The following RANBP2 variants were observed in gnomAD, a reference collection of about 807,000 sequenced individuals.
RANBP2 encodes RAN binding protein 2, also known as E3 SUMO-protein ligase RanBP2.
In RANBP2, 57 loss-of-function variants were observed where a neutral mutation model predicts 303.6. The observed-to-expected ratio is 0.19, with a 90% CI of 0.15 to 0.23. RANBP2 has a LOEUF of 0.23. Ranked by LOEUF, RANBP2 falls within the 10% of genes least tolerant of loss-of-function variation. The probability of loss-of-function intolerance (pLI) is 1.00; values close to 1 mark genes in which losing one functional copy is unlikely to be tolerated. For synonymous variants in RANBP2, 1,167 were observed against 1,301.5 expected (o/e 0.90, Z 2.23); for missense variants, 3,138 against 3,780.8 (o/e 0.83, Z 4.46).
the RANBP2 span, chr2:108,798,409 G>C: frequency 6.3e-7 from 1 of 1,599,480 alleles, no homozygotes; most frequent in South Asian, 1.1e-5. Flanking sequence ...GAGCATTAAA[G>C]TCTGGCATTT....
the RANBP2 span, among the ~76,000 whole-genome samples, chr2:109,735,372 G>A: frequency 3.3e-5 from 5 of 152,062 alleles, no homozygotes; most frequent in African/African-American, 1.2e-4. Context: ...ATTCTACTGT[G>A]GTTATAGACC....
At chr2:108,827,628 A>G in the RANBP2 span, among the ~76,000 whole-genome samples, 1 of 152,076 alleles carries the variant, frequency 6.6e-6, no homozygotes, top group Non-Finnish European at 1.5e-5. Flanking sequence ...TATCCTGGCT[A>G]ACACAGTGAA....
the RANBP2 span, among the ~76,000 whole-genome samples, chr2:108,990,088 G>A: frequency 1.3e-5 from 2 of 152,162 alleles, no homozygotes; most frequent in Admixed American, 1.3e-4. Context: ...TTGAGGTCAG[G>A]AGTTTGGGAT....
chr2:108,819,653 T>C, the RANBP2 span, among the ~76,000 whole-genome samples: 11 of 152,202 alleles, frequency 7.2e-5, no homozygotes, highest in Non-Finnish European at 1.3e-4. Flanking sequence ...AGAATTTGGA[T>C]GGTCCCAAAA....
the RANBP2 span, among the ~76,000 whole-genome samples, chr2:109,149,710 T>C: frequency 1.3e-5 from 2 of 152,190 alleles, no homozygotes; most frequent in Admixed American, 1.3e-4. Flanking sequence ...GGCCTCGTGG[T>C]GCTTACGTTC....
At chr2:108,782,952 C>T (rs1678358351) in intron 28 of RANBP2, 90 bp downstream of exon 28, 2 of 1,189,204 alleles carry the variant, frequency 1.7e-6, no homozygotes, top group Admixed American at 3.6e-5. Context: ...TGACCTCATC[C>T]TGTAGTTTTG....
chr2:109,483,538 T>C, the RANBP2 span, among the ~76,000 whole-genome samples: 1 of 152,252 alleles, frequency 6.6e-6, no homozygotes, highest in Non-Finnish European at 1.5e-5. Flanking sequence ...TGAGAACTAC[T>C]TGACTGTCTT....
the RANBP2 span, among the ~76,000 whole-genome samples, chr2:108,913,681 G>A: frequency 1.1e-4 from 16 of 152,240 alleles, no homozygotes; most frequent in Admixed American, 3.3e-4. Flanking sequence ...CTATCTTTAC[G>A]TAGTATGGGT....
chr2:109,587,749 T>C, the RANBP2 span, among the ~76,000 whole-genome samples: 1 of 152,022 alleles, frequency 6.6e-6, no homozygotes, highest in South Asian at 2.1e-4. Context: ...CTGTGTCTAC[T>C]AAAAATACAA....
the RANBP2 span, among the ~76,000 whole-genome samples, chr2:108,881,314 C>T: frequency 6.6e-6 from 1 of 152,234 alleles, no homozygotes; most frequent in Non-Finnish European, 1.5e-5. Flanking sequence ...ACCTTTCCTT[C>T]TGCAGCTTCC....
At chr2:109,525,688 G>T in the RANBP2 span, among the ~76,000 whole-genome samples, 1 of 152,164 alleles carries the variant, frequency 6.6e-6, no homozygotes, top group Admixed American at 6.5e-5. Flanking sequence ...GTGCCCATTT[G>T]TTGTAAGATG....
At chr2:108,721,263 C>T (rs1263650332) in intron 1 of RANBP2, among the ~76,000 whole-genome samples, 1 of 152,090 alleles carries the variant, frequency 6.6e-6, no homozygotes, top group Non-Finnish European at 1.5e-5. Context: ...GATTTAGTTT[C>T]TCTTGGGAAC....
the RANBP2 span, among the ~76,000 whole-genome samples, chr2:109,674,407 C>G: frequency 2.8e-4 from 20 of 70,184 alleles, no homozygotes; most frequent in African/African-American, 1.2e-3. Context: ...GACCTTGTGT[C>G]TCCAAAAAAA....
At chr2:109,590,029 C>CAT in the RANBP2 span, among the ~76,000 whole-genome samples, 1 of 148,596 alleles carries the variant, frequency 6.7e-6, no homozygotes, top group Non-Finnish European at 1.5e-5. Context: ...TATACACACA[C>CAT]ATATATACAC....
At chr2:109,425,450 A>G in the RANBP2 span, among the ~76,000 whole-genome samples, 1 of 152,180 alleles carries the variant, frequency 6.6e-6, no homozygotes, top group Non-Finnish European at 1.5e-5. Flanking sequence ...TAGAGAGGAG[A>G]TATCAAGGCC....
At chr2:109,726,058 G>GGTGTGTGTGTGTGTGTGT in the RANBP2 span, among the ~76,000 whole-genome samples, 1 of 137,030 alleles carries the variant, frequency 7.3e-6, no homozygotes, top group African/African-American at 2.8e-5. Context: ...TTTTGCTTTT[G>GGTGTGTGTGTGTGTGTGT]GTGTGTGTGT....
chr2:108,740,635 G>A lies in RANBP2; in HGVS notation c.929G>A (p.Arg310Gln), dbSNP rs765648480. ...CAGCATAGTAGTAATGTTCAATGGC[G>A]AGCTCTTTCTGAGCTGGCTGCATTG... The part of the protein sequence containing the change: ...MGQHSSNVQW[R>Q]ALSELAALCY... Residue 310 changes from arginine (R) to glutamine (Q), a missense_variant, in exon 7 of 29, where the codon CGA becomes CAA. By Grantham distance (43) the Arg-to-Gln change is conservative. Transcript: ENST00000283195. 14 of 1,597,348 alleles carry A rather than the reference G, an allele frequency of 8.8e-6. No homozygotes were observed. The African/African-American group carries it at 1.1e-4, about 12-fold the overall frequency.
At chr2:108,975,316 G>C in the RANBP2 span, among the ~76,000 whole-genome samples, 1 of 152,228 alleles carries the variant, frequency 6.6e-6, no homozygotes, top group Admixed American at 6.5e-5. Context: ...GTTCCCACCC[G>C]TGTCTTCTAT....
the RANBP2 span, among the ~76,000 whole-genome samples, chr2:109,160,929 C>T: frequency 3.2e-4 from 49 of 152,206 alleles, no homozygotes; most frequent in Admixed American, 9.8e-4. Flanking sequence ...AGGATTAGAG[C>T]CTCAACCAGG....
Sources: gnomAD v4.1 joint callset for allele counts (sites outside exome capture counted in the v4.1 genomes callset) on GRCh38, gnomAD v4.1.1 for gene constraint, MANE v1.5 for transcripts, NCBI Gene and HGNC (gene_info 2026-07-23, HGNC 2026-07-21) for gene names.